PCNX2: variants seen among roughly 807,000 people sequenced by gnomAD.
PCNX2 encodes the protein pecanex 2.
PCNX2 carries 168 observed loss-of-function variants against 223.8 expected under a neutral mutation model. The ratio of observed to expected loss-of-function variants is 0.75; its 90% CI spans 0.66 to 0.85. The LOEUF is 0.85. Among genes scored for constraint, PCNX2 ranks in the 40% least tolerant of loss-of-function variants. The pLI is 0.00. For missense variants in PCNX2, 2,507 were observed against 2,675.5 expected, an observed-to-expected ratio of 0.94 and a Z score of 1.39; for synonymous variants, 1,006 against 1,052.6, an observed-to-expected ratio of 0.96 and a Z score of 0.86.
rs1485798840 is a variant in PCNX2, at chr1:233,048,349, T to G, written c.4351+5919A>C. On this transcript the variant is annotated intron_variant, in intron 25 of 33. Transcript: ENST00000258229. ...GCACACACCTATAAACCCAGCTACT[T>G]GGGAGGCTGAGGCAGGAGAATCACT... Among the ~76,000 whole-genome samples, 4 of 152,190 alleles carry G rather than the reference T, an allele frequency of 2.6e-5. No homozygotes were observed. The East Asian group carries it at 7.7e-4, about 29-fold the overall frequency.
At chr1:233,285,428 C>T (rs1661400740) in intron 1 of PCNX2, among the ~76,000 whole-genome samples, 2 of 152,132 alleles carry the variant, frequency 1.3e-5, no homozygotes, top group Admixed American at 6.5e-5. Context: ...GTTATCCCAG[C>T]ACTTTGGGAG....
intron 26 of PCNX2, among the ~76,000 whole-genome samples, chr1:233,021,977 G>C (rs1558168982): frequency 6.6e-6 from 1 of 152,124 alleles, no homozygotes. Flanking sequence ...AACCTCCAAG[G>C]CCTCTGTAAA....
chr1:233,243,162 A>G (rs1329746551), intron 8 of PCNX2, among the ~76,000 whole-genome samples: 1 of 152,210 alleles, frequency 6.6e-6, no homozygotes, highest in Non-Finnish European at 1.5e-5. Context: ...GGAATCCCCA[A>G]AGAGACATGG....
intron 20 of PCNX2, 54 bp from the exon 21 acceptor site, chr1:233,135,244 T>C: frequency 6.7e-7 from 1 of 1,502,506 alleles, no homozygotes; most frequent in Admixed American, 2.1e-5. Context: ...CACTGCTGGA[T>C]GAGTTTCATT....
At chr1:233,306,039 G>A in the PCNX2 span, among the ~76,000 whole-genome samples, 5 of 152,152 alleles carry the variant, frequency 3.3e-5, no homozygotes, top group Admixed American at 6.5e-5. Flanking sequence ...ATAAACAGGT[G>A]GAAAGTAAAA....
At chr1:233,120,441 G>C (rs1675715711) in intron 21 of PCNX2, among the ~76,000 whole-genome samples, 1 of 152,076 alleles carries the variant, frequency 6.6e-6, no homozygotes, top group African/African-American at 2.4e-5. Context: ...ACAATAGTGG[G>C]AATAGAAAAT....
chr1:232,992,561 G>C (rs535392150), intron 32 of PCNX2, among the ~76,000 whole-genome samples: 1 of 152,270 alleles, frequency 6.6e-6, no homozygotes, highest in Admixed American at 6.5e-5. Flanking sequence ...CATCCCTGGG[G>C]CCAGGACAAT....
At position 233,208,656 on chromosome 1, in the gene PCNX2, T is replaced by C. The variant is rs749298601; in HGVS notation, c.2725A>G (p.Ile909Val). ...HNQIITYSRP[I>V]YFCVLCGLIL... ...AGGCCACACAGCACACAAAAATAGA[T>C]TGGTCTGCTATATGTTATGATTTGG... The change falls in exon 13 of 34, where the codon ATC becomes GTC. Residue 909 changes from isoleucine to valine, a missense_variant. Coordinates refer to ENST00000258229, the MANE Select transcript of PCNX2 (RefSeq NM_014801.4). The C allele has an allele frequency of 5.4e-5, 87 of 1,613,498 alleles. No individual in the cohort carries two copies. The Middle Eastern group carries it at 6.6e-4, about 12-fold the overall frequency.
intron 17 of PCNX2, among the ~76,000 whole-genome samples, chr1:233,176,635 T>A (rs758770959): frequency 1.3e-5 from 2 of 152,182 alleles, no homozygotes; most frequent in East Asian, 1.9e-4. Flanking sequence ...ACGGACTGAA[T>A]GTGATTCATG....
In PCNX2 at chr1:233,120,084, T is replaced by C. The variant is rs1177451336; in HGVS notation, c.3837+14929A>G. Among the ~76,000 whole-genome samples, 4 of 147,840 alleles carry C rather than the reference T, an allele frequency of 2.7e-5. No individual in the cohort carries two copies. In the East Asian group the frequency reaches 6.1e-4, roughly 22 times the overall value. ...CAGGAGGCTGAGGCAAGAGAATCTC[T>C]TGAACCCGGGAGGCAGAGGTTGCAG... is the stretch of plus-strand genomic sequence containing the variant. On this transcript the variant is annotated intron_variant, in intron 21 of 33. Coordinates refer to ENST00000258229, the MANE Select transcript of PCNX2 (RefSeq NM_014801.4).
intron 25 of PCNX2, among the ~76,000 whole-genome samples, chr1:233,041,438 G>C (rs144384303): frequency 6.6e-6 from 1 of 152,292 alleles, no homozygotes; most frequent in East Asian, 1.9e-4. Context: ...AAATGCGGGT[G>C]CACAGCCTAC....
At chr1:233,250,872 T>C (rs1250042636) in intron 7 of PCNX2, 40 bp from the exon 8 acceptor site, 6 of 1,533,276 alleles carry the variant, frequency 3.9e-6, no homozygotes, top group Non-Finnish European at 5.3e-6. Context: ...TATGACATAA[T>C]TATTCATATA....
At chr1:233,118,225 G>C (rs1369385868) in intron 21 of PCNX2, among the ~76,000 whole-genome samples, 1 of 151,854 alleles carries the variant, frequency 6.6e-6, no homozygotes, top group East Asian at 1.9e-4. Context: ...GGAATAGAAG[G>C]GGAACTTTCT....
chr1:233,178,453 T>C (rs975069332), intron 16 of PCNX2, among the ~76,000 whole-genome samples: 1 of 152,200 alleles, frequency 6.6e-6, no homozygotes, highest in Non-Finnish European at 1.5e-5. Context: ...AGATTTCCAG[T>C]GCCAGAGTAC....
intron 8 of PCNX2, among the ~76,000 whole-genome samples, chr1:233,248,171 C>A (rs1247734706): frequency 6.6e-6 from 1 of 152,110 alleles, no homozygotes; most frequent in Non-Finnish European, 1.5e-5. Context: ...GTAATTAATT[C>A]AGTTGCCTTT....
At chr1:233,010,865 A>G (rs149378344) in intron 28 of PCNX2, among the ~76,000 whole-genome samples, 2 of 152,242 alleles carry the variant, frequency 1.3e-5, no homozygotes, top group East Asian at 1.9e-4. Flanking sequence ...GCATGCATAT[A>G]TTTTTCTTTC....
At chr1:233,130,916 C>G (rs1211180480) in intron 21 of PCNX2, among the ~76,000 whole-genome samples, 3 of 152,002 alleles carry the variant, frequency 2.0e-5, no homozygotes, top group African/African-American at 7.3e-5. Flanking sequence ...AGGGCCTGGG[C>G]CCTCTGGAAG....
At chr1:233,177,924 C>T (rs1469179218) in intron 16 of PCNX2, 26 bp from the exon 17 acceptor site, 1 of 1,571,706 alleles carries the variant, frequency 6.4e-7, no homozygotes, top group Non-Finnish European at 8.8e-7. Context: ...CACAATACTT[C>T]ATCAAAGATG....
chr1:233,175,521 G>T (rs1468458105), intron 17 of PCNX2, among the ~76,000 whole-genome samples: 2 of 152,106 alleles, frequency 1.3e-5, no homozygotes, highest in Non-Finnish European at 2.9e-5. Flanking sequence ...AATCAAGGAA[G>T]ATTGAAGGGC....
Sources: gnomAD v4.1 joint callset for allele counts (sites outside exome capture counted in the v4.1 genomes callset) on GRCh38, gnomAD v4.1.1 for gene constraint, MANE v1.5 for transcripts, NCBI Gene and HGNC (gene_info 2026-07-23, HGNC 2026-07-21) for gene names.